ADAMTS2: variants seen among roughly 807,000 people sequenced by gnomAD.
The protein encoded by ADAMTS2 is A disintegrin and metalloproteinase with thrombospondin motifs 2.
In ADAMTS2, 50 loss-of-function variants were observed where a neutral mutation model predicts 123.0. That is an observed-to-expected ratio of 0.41 (90% CI 0.32 to 0.51). The LOEUF (loss-of-function observed/expected upper bound fraction) is 0.51. Ranked by LOEUF, ADAMTS2 falls within the 20% of genes least tolerant of loss-of-function variation. The probability of loss-of-function intolerance (pLI) is 0.35; values close to 1 mark genes in which losing one functional copy is unlikely to be tolerated. For synonymous variants in ADAMTS2, 678 were observed against 695.4 expected (o/e 0.98, Z 0.39); for missense variants, 1,494 against 1,705.2 (o/e 0.88, Z 2.18).
At chr5:179,217,134 C>A (rs1281745068) in intron 3 of ADAMTS2, among the ~76,000 whole-genome samples, 2 of 152,194 alleles carry the variant, frequency 1.3e-5, no homozygotes, top group Non-Finnish European at 2.9e-5. Flanking sequence ...ACACGGGGGT[C>A]ATCAGTGGGT....
chr5:179,335,264 C>T (rs1001133503), intron 2 of ADAMTS2, among the ~76,000 whole-genome samples: 16 of 151,934 alleles, frequency 1.1e-4, no homozygotes, highest in African/African-American at 3.9e-4. Flanking sequence ...TTTTATTTAA[C>T]CCAGTATGCC....
intron 2 of ADAMTS2, among the ~76,000 whole-genome samples, chr5:179,275,135 G>T (rs529644196): frequency 1.3e-5 from 2 of 152,118 alleles, no homozygotes; most frequent in Non-Finnish European, 2.9e-5. Context: ...AGGGCTTCTG[G>T]GGGGAGCCTT....
chr5:179,207,471 A>G lies in ADAMTS2; in HGVS notation c.891+42T>C, dbSNP rs776660517. ...CTCTGGCCTGCCCAGCCCCTGGTTG[A>G]CCCTCCCCGCCCCACCCTGCCCCCT... On this transcript the variant is annotated intron_variant, in intron 4 of 21. Transcript: ENST00000251582. The G allele has an allele frequency of 2.8e-5, 29 of 1,026,450 alleles. 1 individual carries two copies. Among genetic ancestry groups the G allele is most frequent in the Middle Eastern group, 2.1e-4 (1 of 4,686 alleles). 63.6% of individuals were successfully genotyped at this position (1,026,450 alleles called of 1,614,324 possible).
In ADAMTS2 at chr5:179,191,005, A is replaced by G. The variant is rs181315625; in HGVS notation, c.892-9850T>C. ...CGTCGCCTTTGGGGAAACAACAGCCATGCCACCACTTAGGGACTGACCTTC... is the reference window on the plus strand; with the variant it reads ...CGTCGCCTTTGGGGAAACAACAGCCGTGCCACCACTTAGGGACTGACCTTC... On this transcript the variant is annotated intron_variant, in intron 4 of 21. Coordinates refer to ENST00000251582, the MANE Select transcript of ADAMTS2 (RefSeq NM_014244.5). 5.2e-3 allele frequency among the ~76,000 whole-genome samples: 793 copies of G among 152,388 alleles called. 4 individuals are homozygous for G. Among genetic ancestry groups the G allele is most frequent in the Middle Eastern group, 0.01 (3 of 294 alleles).
At chr5:179,238,286 G>A (rs541309693) in intron 3 of ADAMTS2, among the ~76,000 whole-genome samples, 7 of 152,274 alleles carry the variant, frequency 4.6e-5, no homozygotes, top group African/African-American at 1.4e-4. Context: ...GGGTGTCCAC[G>A]GATTCACCCC....
At position 179,225,757 on chromosome 5, in the gene ADAMTS2, TCCC is replaced by T. The variant is rs927381927; in HGVS notation, c.689-18045_689-18043del. Among the ~76,000 whole-genome samples the T allele has an allele frequency of 6.6e-6, 1 of 151,984 alleles. No individual in the cohort carries two copies. The highest frequency in any genetic ancestry group is 1.5e-5 in the Non-Finnish European group (1 of 67,990). ...TTTGCACCCCATCCTCCTTCTGGCT[TCCC>T]CCATCTGCTGAGAGCTACTTCCACT... On this transcript the variant is annotated intron_variant, in intron 3 of 21. Transcript: ENST00000251582. This position sits in a 1 kb window ranked among gnomAD's most constrained non-coding sequence, Gnocchi z 4.5.
At position 179,132,616 on chromosome 5, in the gene ADAMTS2, G is replaced by A. The variant is rs1464155372; in HGVS notation, c.2209+161C>T. On this transcript the variant is annotated intron_variant, in intron 14 of 21. Transcript: ENST00000251582. The surrounding 1 kb of genome is among the most constrained non-coding windows in gnomAD (Gnocchi z 6.1). ...CTGGCACCCAGCTGGGGCTGTCCCCGACTTAGGATTCTCCCTCCCCCTCAG... is the reference window on the plus strand; with the variant it reads ...CTGGCACCCAGCTGGGGCTGTCCCCAACTTAGGATTCTCCCTCCCCCTCAG... Among the ~76,000 whole-genome samples, 6 of 110,694 alleles carry A rather than the reference G, an allele frequency of 5.4e-5. No homozygotes were observed. Among genetic ancestry groups the A allele is most frequent in the Non-Finnish European group, 9.1e-5 (5 of 54,646 alleles). 72.6% of individuals were successfully genotyped at this position (110,694 alleles called of 152,430 possible).
At chr5:179,133,073 C>A (rs1762993712) in intron 13 of ADAMTS2, among the ~76,000 whole-genome samples, 173 bp from the exon 14 acceptor site, 1 of 151,248 alleles carries the variant, frequency 6.6e-6, no homozygotes, top group Non-Finnish European at 1.5e-5. Context: ...CTTTTATTAT[C>A]TCCAAAATCA....
chr5:179,157,448 A>T (rs1385767454), intron 6 of ADAMTS2, among the ~76,000 whole-genome samples: 1 of 151,972 alleles, frequency 6.6e-6, no homozygotes, highest in African/African-American at 2.4e-5. Context: ...CAGACATGGT[A>T]GTTTCAGTCT....
chr5:179,337,406 C>T (rs903574663), intron 2 of ADAMTS2, among the ~76,000 whole-genome samples: 1 of 152,176 alleles, frequency 6.6e-6, no homozygotes, highest in Admixed American at 6.5e-5. Flanking sequence ...CTCATTCAGA[C>T]GTGCACAAAC....
At chr5:179,292,783 C>T (rs949728426) in intron 2 of ADAMTS2, among the ~76,000 whole-genome samples, 5 of 152,216 alleles carry the variant, frequency 3.3e-5, no homozygotes, top group Non-Finnish European at 7.3e-5. Context: ...CAAGCTCCCA[C>T]CCCACCCTGG....
intron 3 of ADAMTS2, among the ~76,000 whole-genome samples, chr5:179,249,859 C>T (rs1765879627): frequency 6.6e-6 from 1 of 152,130 alleles, no homozygotes; most frequent in African/African-American, 2.4e-5. Flanking sequence ...GCCAGCATTA[C>T]CCTGATACCG....
Position 179,115,376 on chromosome 5 carries a change from T to A in ADAMTS2, c.3179-1052A>T, listed in dbSNP as rs1762641009. Among the ~76,000 whole-genome samples, 1 of 152,158 alleles carries A rather than the reference T, an allele frequency of 6.6e-6. No homozygotes were observed. Among genetic ancestry groups the A allele is most frequent in the Non-Finnish European group, 1.5e-5 (1 of 68,028 alleles). On this transcript the variant is annotated intron_variant, in intron 21 of 21. Transcript: ENST00000251582. The surrounding 1 kb of genome is among the most constrained non-coding windows in gnomAD (Gnocchi z 4.4). The stretch of plus-strand genomic sequence containing the variant: ...CAAAAATTAAGATGATTTTAAAAAA[T>A]TCACTCAAGAAGAAAGAATAAGTCA...
Position 179,173,480 on chromosome 5 carries a change from A to G in ADAMTS2, c.975+7592T>C, listed in dbSNP as rs75273659. On this transcript the variant is annotated intron_variant, in intron 5 of 21. Coordinates refer to ENST00000251582, the MANE Select transcript of ADAMTS2 (RefSeq NM_014244.5). ...TAACCATTTCCCAATGCCATTAAACATGTTTCGAAAATGCAATTTTGTGGC... is the reference window on the plus strand; with the variant it reads ...TAACCATTTCCCAATGCCATTAAACGTGTTTCGAAAATGCAATTTTGTGGC... 2.6e-5 allele frequency among the ~76,000 whole-genome samples: 4 copies of G among 152,298 alleles called. No individual in the cohort carries two copies. In the East Asian group the frequency reaches 7.7e-4, roughly 29 times the overall value.
rs191022325 is a variant in ADAMTS2, at chr5:179,303,319, G to A, written c.535-30255C>T. 6.6e-6 allele frequency among the ~76,000 whole-genome samples: 1 copy of A among 152,286 alleles called. No homozygotes were observed. The highest frequency in any genetic ancestry group is 1.9e-4 in the East Asian group (1 of 5,188). ...AGAAGGTTCAGGTTCCAGTAGGATG[G>A]TGTGAGCACGCCTCACCTGCATCCC... On this transcript the variant is annotated intron_variant, in intron 2 of 21. Transcript: ENST00000251582. This position sits in a 1 kb window ranked among gnomAD's most constrained non-coding sequence, Gnocchi z 4.7.
At chr5:179,152,561 C>T (rs1763382889) in intron 9 of ADAMTS2, among the ~76,000 whole-genome samples, 1 of 152,226 alleles carries the variant, frequency 6.6e-6, no homozygotes, top group South Asian at 2.1e-4. Flanking sequence ...CACCTGCTGA[C>T]CCTTTGCCGT....
chr5:179,289,494 G>C (rs913088350), intron 2 of ADAMTS2, among the ~76,000 whole-genome samples: 1 of 152,282 alleles, frequency 6.6e-6, no homozygotes, highest in Middle Eastern at 3.4e-3. Context: ...CGACTTATCC[G>C]TGGAGGCTAC....
intron 3 of ADAMTS2, among the ~76,000 whole-genome samples, chr5:179,251,390 G>A (rs1765920882): frequency 6.6e-6 from 1 of 152,086 alleles, no homozygotes; most frequent in Non-Finnish European, 1.5e-5. Context: ...AAAAAAGCAG[G>A]CCTCAGACCC....
intron 3 of ADAMTS2, among the ~76,000 whole-genome samples, chr5:179,245,260 G>C (rs557767010): frequency 9.9e-5 from 15 of 152,074 alleles, no homozygotes; most frequent in Admixed American, 9.2e-4. Context: ...CCAGAAACTG[G>C]AAAGGGCAAG....
Sources: gnomAD v4.1 joint callset for allele counts (sites outside exome capture counted in the v4.1 genomes callset) on GRCh38, gnomAD v4.1.1 for gene constraint, Gnocchi (gnomAD v3.1) non-coding constraint, MANE v1.5 for transcripts, NCBI Gene and HGNC (gene_info 2026-07-23, HGNC 2026-07-21) for gene names.